Variants in ZNF536 observed in about 807,000 individuals in gnomAD.
ZNF536 encodes the protein zinc finger protein 536.
ZNF536 carries 13 observed loss-of-function variants against 84.5 expected under a neutral mutation model. That is an observed-to-expected ratio of 0.15 (90% CI 0.10 to 0.24). ZNF536 has a LOEUF of 0.24. Ranked by LOEUF, ZNF536 falls within the 10% of genes least tolerant of loss-of-function variation. ZNF536 has a pLI of 1.00. For missense variants in ZNF536, 1,536 were observed against 1,747.5 expected (o/e 0.88, Z 2.16); for synonymous variants, 811 against 742.5 (o/e 1.09, Z -1.50).
chr19:30,688,932 G>T (rs1415851690), intron 1 of ZNF536, among the ~76,000 whole-genome samples: 1 of 152,218 alleles, frequency 6.6e-6, no homozygotes. Context: ...GGTGGTCTGA[G>T]CCTCCAGGGA....
intron 1 of ZNF536, among the ~76,000 whole-genome samples, chr19:30,642,032 C>G (rs151246223): frequency 6.1e-4 from 93 of 152,266 alleles, no homozygotes; most frequent in African/African-American, 2.1e-3. Context: ...GTTTGCGGGA[C>G]CACCTCCCTC....
chr19:30,466,204 C>A (rs887261814), intron 2 of ZNF536, among the ~76,000 whole-genome samples: 2 of 150,776 alleles, frequency 1.3e-5, no homozygotes, highest in Admixed American at 6.6e-5. Context: ...GCCTGGGCGA[C>A]ACAATGAGAC....
chr19:30,249,952 T>C (rs921411152), intron 1 of ZNF536, among the ~76,000 whole-genome samples: 8 of 152,334 alleles, frequency 5.3e-5, no homozygotes, highest in Non-Finnish European at 1.2e-4. Context: ...AAGGCAGCAC[T>C]CCCTGAATCT....
chr19:30,583,706 C>T (rs964306371), intron 1 of ZNF536, among the ~76,000 whole-genome samples: 8 of 152,164 alleles, frequency 5.3e-5, no homozygotes, highest in African/African-American at 1.4e-4. Flanking sequence ...GCAATCAATG[C>T]ATTCCTAGCT....
intron 1 of ZNF536, among the ~76,000 whole-genome samples, chr19:30,270,774 A>T (rs967197441): frequency 3.3e-5 from 5 of 151,362 alleles, no homozygotes; most frequent in Non-Finnish European, 7.4e-5. Flanking sequence ...TTTTTAAAGA[A>T]CAATGCTTTT....
intron 2 of ZNF536, among the ~76,000 whole-genome samples, chr19:30,313,687 C>A (rs1227743428): frequency 6.6e-6 from 1 of 152,186 alleles, no homozygotes; most frequent in Non-Finnish European, 1.5e-5. Context: ...ACTGCCCACC[C>A]CGACTGTGGT....
At chr19:30,568,765 G>T (rs368141403) in intron 1 of ZNF536, among the ~76,000 whole-genome samples, 1 of 152,208 alleles carries the variant, frequency 6.6e-6, no homozygotes, top group Admixed American at 6.5e-5. Context: ...GGCACAGTGG[G>T]ACCCCGGTGA....
At chr19:30,407,420 A>G (rs886864759) in intron 1 of ZNF536, among the ~76,000 whole-genome samples, 1 of 152,166 alleles carries the variant, frequency 6.6e-6, no homozygotes, top group Admixed American at 6.5e-5. Flanking sequence ...GGCTCCCCAC[A>G]CACCCAGCAG....
At chr19:30,463,338 A>C (rs2053241924) in intron 2 of ZNF536, among the ~76,000 whole-genome samples, 1 of 152,144 alleles carries the variant, frequency 6.6e-6, no homozygotes. Flanking sequence ...GCTCAGCCTC[A>C]GGTGGAAGAT....
chr19:30,372,014 A>G (rs1672110059), upstream of ZNF536, among the ~76,000 whole-genome samples: 2 of 152,190 alleles, frequency 1.3e-5, no homozygotes, highest in African/African-American at 4.8e-5. Flanking sequence ...GAGACCTAAG[A>G]AAAAAGAATC....
chr19:30,345,841 T>C (rs1235153455), intron 2 of ZNF536, among the ~76,000 whole-genome samples: 1 of 152,198 alleles, frequency 6.6e-6, no homozygotes, highest in Non-Finnish European at 1.5e-5. Flanking sequence ...GACTGGCCTC[T>C]GGCTTGGAAT....
chr19:30,351,739 T>C (rs1383175680), intron 2 of ZNF536, among the ~76,000 whole-genome samples: 1 of 152,238 alleles, frequency 6.6e-6, no homozygotes, highest in Non-Finnish European at 1.5e-5. Context: ...ATAATCTATT[T>C]AGAATGCCTG....
intron 2 of ZNF536, among the ~76,000 whole-genome samples, chr19:30,338,834 A>T (rs2047471174): frequency 6.6e-6 from 1 of 152,160 alleles, no homozygotes; most frequent in Admixed American, 6.5e-5. Flanking sequence ...TTATTTTAGT[A>T]GCTGTGCAAT....
chr19:30,440,932 TAGA>T lies in ZNF536; in HGVS notation c.-2-2628_-2-2626del, dbSNP rs1389748300. Among the ~76,000 whole-genome samples, 1,244 of 127,480 alleles carry T rather than the reference TAGA, an allele frequency of 9.8e-3. 29 individuals are homozygous for T. Among genetic ancestry groups the T allele is most frequent in the African/African-American group, 0.036 (1,183 of 32,796 alleles). The allele number at this position is 127,480 out of a possible 152,430, so 83.6% of individuals were successfully genotyped here. ...ATAGATAGATAGATAGATAGATAGATAGATAGATTTGAAAAAAATAAAAGAATT... is the reference window on the plus strand; with the variant it reads ...ATAGATAGATAGATAGATAGATAGATTAGATTTGAAAAAAATAAAAGAATT... On this transcript the variant is annotated intron_variant, in intron 1 of 4. Transcript: ENST00000355537.
Position 30,249,143 on chromosome 19 carries a change from T to C in ZNF536, c.-190+20470T>C, listed in dbSNP as rs1279048294. Among the ~76,000 whole-genome samples the C allele has an allele frequency of 2.6e-5, 4 of 152,306 alleles. No homozygotes were observed. The South Asian group carries it at 8.3e-4, about 32-fold the overall frequency. On this transcript the variant is annotated intron_variant, in intron 1 of 5. Coordinates refer to the ZNF536 transcript ENST00000585628. ...GCTTTTGAGTTTTGGGGAGACCCTT[T>C]CTTGAGTTTTCCTAAAGAAGGTGAT... is the stretch of plus-strand genomic sequence containing the variant.
chr19:30,457,851 A>G (rs928797135), intron 2 of ZNF536, among the ~76,000 whole-genome samples: 1 of 152,114 alleles, frequency 6.6e-6, no homozygotes, highest in Admixed American at 6.5e-5. Flanking sequence ...TGGGTGTCTC[A>G]TGGGAGGGCT....
intron 3 of ZNF536, among the ~76,000 whole-genome samples, chr19:30,367,138 A>G (rs1172335885): frequency 6.6e-6 from 1 of 152,182 alleles, no homozygotes; most frequent in East Asian, 1.9e-4. Flanking sequence ...CCCCTTTTCC[A>G]TGGAAGAAAG....
chr19:30,610,175 T>C (rs2048054514), intron 1 of ZNF536, among the ~76,000 whole-genome samples: 1 of 152,266 alleles, frequency 6.6e-6, no homozygotes, highest in South Asian at 2.1e-4. Context: ...TAGTGGATGT[T>C]ACAATGCCTT....
rs2052270131 is a variant in ZNF536 at position 30,445,304 on chromosome 19, A to T, written c.1742A>T (p.Asp581Val). The change falls in exon 2 of 5, where the codon GAT becomes GTT. Residue 581 changes from aspartate to valine, a missense_variant. Coordinates refer to ENST00000355537, the MANE Select transcript of ZNF536 (RefSeq NM_014717.3). The surrounding 1 kb of genome is among the most constrained non-coding windows in gnomAD (Gnocchi z 4.5). Reference protein sequence around the residue: ...ADGSKQKMPADLVHSTKVGSQ... With the variant: ...ADGSKQKMPAVLVHSTKVGSQ... ...GGCTCCAAGCAGAAAATGCCTGCTG[A>T]TTTGGTTCACAGCACTAAAGTGGGC... 1 of 1,614,042 alleles carries T rather than the reference A, an allele frequency of 6.2e-7. No homozygotes were observed. Among genetic ancestry groups the T allele is most frequent in the African/African-American group, 1.3e-5 (1 of 74,924 alleles).
Sources: allele counts gnomAD v4.1 joint callset (sites outside exome capture counted in the v4.1 genomes callset), GRCh38; gene constraint gnomAD v4.1.1; non-coding constraint Gnocchi (gnomAD v3.1); transcripts MANE v1.5; gene names NCBI Gene and HGNC (gene_info 2026-07-23, HGNC 2026-07-21).